The following ZMYM4 variants were observed in gnomAD, a reference collection of about 807,000 sequenced individuals.
ZMYM4 encodes zinc finger MYM-type containing 4.
A neutral mutation model predicts 183.2 loss-of-function variants in ZMYM4; 31 were observed. The ratio of observed to expected loss-of-function variants is 0.17; its 90% CI spans 0.13 to 0.23. The LOEUF is 0.23. ZMYM4 is among the 10% of genes least tolerant of loss of function. The probability of loss-of-function intolerance (pLI) is 1.00; values close to 1 mark genes in which losing one functional copy is unlikely to be tolerated. For missense variants in ZMYM4, 1,273 were observed against 1,840.3 expected (o/e 0.69, Z 5.64); for synonymous variants, 592 against 631.2 (o/e 0.94, Z 0.93).
intron 9 of ZMYM4, among the ~76,000 whole-genome samples, chr1:35,384,321 A>G (rs1258218489): frequency 2.0e-5 from 3 of 152,204 alleles, no homozygotes; most frequent in African/African-American, 7.2e-5. Context: ...TTTAGAAGAC[A>G]TTCCAGAATT....
intron 1 of ZMYM4, among the ~76,000 whole-genome samples, chr1:35,284,738 C>A (rs1640383932): frequency 6.6e-6 from 1 of 152,164 alleles, no homozygotes; most frequent in South Asian, 2.1e-4. Context: ...TTTCTCTTGG[C>A]TTGTAGGTAG....
chr1:35,334,444 A>G (rs1642891718), intron 2 of ZMYM4, among the ~76,000 whole-genome samples: 1 of 152,154 alleles, frequency 6.6e-6, no homozygotes, highest in Admixed American at 6.5e-5. Flanking sequence ...GATGTAAAAT[A>G]TCACAGCCTT....
chr1:35,301,824 C>T (rs1250111060), intron 1 of ZMYM4, among the ~76,000 whole-genome samples: 2 of 152,124 alleles, frequency 1.3e-5, no homozygotes, highest in African/African-American at 2.4e-5. Flanking sequence ...TCCTCAACTT[C>T]GGGAGATTGC....
intron 2 of ZMYM4, among the ~76,000 whole-genome samples, chr1:35,332,518 T>G (rs1017489336): frequency 6.6e-6 from 1 of 151,808 alleles, no homozygotes; most frequent in Non-Finnish European, 1.5e-5. Flanking sequence ...TGTTCACTCA[T>G]GTTTGGTGCC....
intron 5 of ZMYM4, among the ~76,000 whole-genome samples, chr1:35,362,408 G>C (rs1442466353): frequency 8.5e-5 from 13 of 152,212 alleles, no homozygotes; most frequent in Admixed American, 8.5e-4. Flanking sequence ...CCTGAAGTCA[G>C]CTAAGCTATC....
At chr1:35,275,721 G>A (rs1198026269) in intron 1 of ZMYM4, among the ~76,000 whole-genome samples, 1 of 152,080 alleles carries the variant, frequency 6.6e-6, no homozygotes, top group Non-Finnish European at 1.5e-5. Context: ...AAGGAGAAAG[G>A]CAAGTATTGT....
intron 1 of ZMYM4, among the ~76,000 whole-genome samples, chr1:35,295,529 G>T (rs141054566): frequency 1.4e-4 from 21 of 152,236 alleles, no homozygotes; most frequent in Admixed American, 1.2e-3. Flanking sequence ...ATTGTAGGAC[G>T]TTTCAGCATC....
chr1:35,319,442 C>T (rs1372461488), intron 1 of ZMYM4, among the ~76,000 whole-genome samples: 1 of 151,936 alleles, frequency 6.6e-6, no homozygotes, highest in Non-Finnish European at 1.5e-5. Context: ...GGCAATATAG[C>T]AATACCCAGT....
rs1442035871 is a variant in ZMYM4, at chr1:35,389,611, T to C, written c.2437-337T>C. Among the ~76,000 whole-genome samples, 1 of 151,738 alleles carries C rather than the reference T, an allele frequency of 6.6e-6. No individual in the cohort carries two copies. The highest frequency in any genetic ancestry group is 1.5e-5 in the Non-Finnish European group (1 of 67,930). On this transcript the variant is annotated intron_variant, in intron 14 of 29. Transcript: ENST00000314607. This position sits in a 1 kb window ranked among gnomAD's most constrained non-coding sequence, Gnocchi z 4.0. Reference sequence around the variant, plus strand: ...CTACTAAAAATACAAAAAAATTAGCTGGGTGTGGTGGCGGGCGCCTGTAGT... The same window carrying C: ...CTACTAAAAATACAAAAAAATTAGCCGGGTGTGGTGGCGGGCGCCTGTAGT...
intron 2 of ZMYM4, among the ~76,000 whole-genome samples, chr1:35,354,463 C>A (rs1210968304): frequency 6.6e-6 from 1 of 152,024 alleles, no homozygotes; most frequent in African/African-American, 2.4e-5. Context: ...TGGTGTCAAA[C>A]GCCTGTAATC....
At chr1:35,367,385 C>T (rs2148927420) in intron 5 of ZMYM4, among the ~76,000 whole-genome samples, 1 of 151,960 alleles carries the variant, frequency 6.6e-6, no homozygotes, top group East Asian at 2.0e-4. Context: ...TGCACCACCA[C>T]ACCCCGCTGA....
intron 1 of ZMYM4, among the ~76,000 whole-genome samples, chr1:35,287,190 ATC>A (rs1206222561): frequency 6.7e-6 from 1 of 149,458 alleles, no homozygotes; most frequent in Non-Finnish European, 1.5e-5. Context: ...TTCTTGAGCA[ATC>A]TCTTCTACAA....
chr1:35,335,147 A>G (rs963967068), intron 2 of ZMYM4, among the ~76,000 whole-genome samples: 2 of 151,646 alleles, frequency 1.3e-5, no homozygotes, highest in South Asian at 2.1e-4. Flanking sequence ...CTTTACCACA[A>G]TTATTGAATA....
Position 35,276,449 on chromosome 1 carries a change from C to G in ZMYM4, c.39+7364C>G, listed in dbSNP as rs76772283. Among the ~76,000 whole-genome samples the G allele has an allele frequency of 6.5e-3, 992 of 152,278 alleles. 5 individuals carry two copies. Among genetic ancestry groups the G allele is most frequent in the Non-Finnish European group, 0.01 (682 of 68,030 alleles). ...AGCACAACCACAATACTGTTACGAC[C>G]TAACAAAAGAGTTCCTTAATCCAGT... is the stretch of plus-strand genomic sequence containing the variant. On this transcript the variant is annotated intron_variant, in intron 1 of 29. Transcript: ENST00000314607.
In ZMYM4 at chr1:35,390,046, G is replaced by C. The variant is rs759451252; in HGVS notation, c.2535G>C (p.Leu845Phe). The change falls in exon 15 of 30, where the codon TTG becomes TTC. Residue 845 changes from leucine to phenylalanine, a missense_variant. Leu to Phe is a conservative substitution (Grantham distance 22, BLOSUM62 0). Around this residue, in one of 6 missense-constraint regions of ZMYM4, gnomAD observed 290 missense variants for 353.3 expected, o/e 0.82. Transcript: ENST00000314607. ...ATTTCTGTAACCTGCTTTGTATCTT[G>C]ATGTTCTGTAATCAGCAAAGTGTAT... ...MKHFCNLLCILMFCNQQSVCD... is the reference protein window; with the variant it reads ...MKHFCNLLCIFMFCNQQSVCD... 6.2e-7 allele frequency: 1 copy of C among 1,613,922 alleles called. No homozygotes were observed. The highest frequency in any genetic ancestry group is 8.5e-7 in the Non-Finnish European group (1 of 1,179,940).
At chr1:35,324,259 T>C (rs1035762096) in intron 1 of ZMYM4, among the ~76,000 whole-genome samples, 4 of 152,158 alleles carry the variant, frequency 2.6e-5, no homozygotes, top group South Asian at 4.1e-4. Flanking sequence ...GTCACATAAA[T>C]TATCTTTTCC....
intron 7 of ZMYM4, among the ~76,000 whole-genome samples, chr1:35,377,960 C>T (rs1262859361): frequency 1.3e-5 from 2 of 152,202 alleles, no homozygotes; most frequent in East Asian, 3.8e-4. Flanking sequence ...CAGACTCCAC[C>T]ATTGCTTTAT....
intron 1 of ZMYM4, among the ~76,000 whole-genome samples, chr1:35,311,078 G>A (rs1641773673): frequency 6.6e-6 from 1 of 152,118 alleles, no homozygotes; most frequent in African/African-American, 2.4e-5. Flanking sequence ...GCCACTGGCT[G>A]CCACTGTAGT....
intron 1 of ZMYM4, among the ~76,000 whole-genome samples, chr1:35,312,246 A>T (rs1348405025): frequency 6.6e-6 from 1 of 152,142 alleles, no homozygotes; most frequent in Non-Finnish European, 1.5e-5. Flanking sequence ...TTGAATCTGC[A>T]GATATCTATC....
Sources: allele counts gnomAD v4.1 joint callset (sites outside exome capture counted in the v4.1 genomes callset), GRCh38; gene constraint gnomAD v4.1.1; regional missense constraint gnomAD v4.1.1; non-coding constraint Gnocchi (gnomAD v3.1); transcripts MANE v1.5; gene names NCBI Gene and HGNC (gene_info 2026-07-23, HGNC 2026-07-21).